CDS1: variants seen among roughly 807,000 people sequenced by gnomAD.
CDS1 encodes CDP-diacylglycerol synthase 1.
CDS1 carries 41 observed loss-of-function variants against 62.1 expected under a neutral mutation model. The ratio of observed to expected loss-of-function variants is 0.66; its 90% CI spans 0.51 to 0.86. CDS1 has a LOEUF of 0.86. Among genes scored for constraint, CDS1 ranks in the 40% least tolerant of loss-of-function variants. CDS1 has a pLI of 0.00. For missense variants in CDS1, 470 were observed against 550.1 expected, an observed-to-expected ratio of 0.85 and a Z score of 1.46; for synonymous variants, 185 against 192.6, an observed-to-expected ratio of 0.96 and a Z score of 0.32.
At chr4:84,589,591 C>G (rs1285188251) in intron 1 of CDS1, among the ~76,000 whole-genome samples, 1 of 152,188 alleles carries the variant, frequency 6.6e-6, no homozygotes, top group Non-Finnish European at 1.5e-5. Flanking sequence ...TTCCATGATT[C>G]AGCTTTTATC....
At chr4:84,645,952 G>A (rs1259373455) in intron 12 of CDS1, among the ~76,000 whole-genome samples, 2 of 152,144 alleles carry the variant, frequency 1.3e-5, no homozygotes, top group African/African-American at 4.8e-5. Context: ...AGAAAGGGTG[G>A]TTTATTCTTG....
At chr4:84,586,754 A>G (rs1268248009) in intron 1 of CDS1, among the ~76,000 whole-genome samples, 1 of 152,210 alleles carries the variant, frequency 6.6e-6, no homozygotes, top group Non-Finnish European at 1.5e-5. Context: ...GGAGTTTAGC[A>G]AAAGATCTAA....
chr4:84,645,632 C>T (rs1724533704), intron 12 of CDS1, among the ~76,000 whole-genome samples: 1 of 152,128 alleles, frequency 6.6e-6, no homozygotes, highest in South Asian at 2.1e-4. Context: ...TTGCAATGAT[C>T]ATGAATACTA....
chr4:84,638,738 A>G (rs1387260980), intron 8 of CDS1, among the ~76,000 whole-genome samples, 186 bp from the exon 9 acceptor site: 1 of 152,090 alleles, frequency 6.6e-6, no homozygotes, highest in African/African-American at 2.4e-5. Flanking sequence ...AAATATTATT[A>G]GAGAGATTTT....
Position 84,619,539 on chromosome 4 carries a change from T to C in CDS1, c.580+6T>C. The C allele has an allele frequency of 6.5e-7, 1 of 1,544,390 alleles. No homozygotes were observed. Among genetic ancestry groups the C allele is most frequent in the Non-Finnish European group, 8.8e-7 (1 of 1,130,220 alleles). On this transcript the variant is annotated splice_donor_region_variant and intron_variant, in intron 5 of 12. Transcript: ENST00000295887. The stretch of plus-strand genomic sequence containing the variant: ...ATTTGCCCTCTATCTGGCAGGTAAG[T>C]TAAGGAATATTCTGTATTGATATAT...
At chr4:84,599,792 A>G (rs962941684) in intron 1 of CDS1, among the ~76,000 whole-genome samples, 2 of 152,070 alleles carry the variant, frequency 1.3e-5, no homozygotes, top group African/African-American at 4.8e-5. Context: ...CCTGTTGGCT[A>G]TTTGAGTTGT....
chr4:84,635,620 TG>T (rs1724166759), intron 8 of CDS1, among the ~76,000 whole-genome samples: 27 of 106,454 alleles, frequency 2.5e-4, no homozygotes, highest in African/African-American at 9.4e-4. Context: ...CCTGCCTGCC[TG>T]CCTGCCTTCC....
chr4:84,645,109 A>C (rs940495445), intron 11 of CDS1, 113 bp from the exon 12 acceptor site: 6 of 689,968 alleles, frequency 8.7e-6, no homozygotes, highest in South Asian at 1.7e-5. Flanking sequence ...AAAAAAATCC[A>C]ATAGTAATGT....
intron 1 of CDS1, among the ~76,000 whole-genome samples, chr4:84,589,199 A>G (rs1209727850): frequency 6.6e-6 from 1 of 152,238 alleles, no homozygotes; most frequent in African/African-American, 2.4e-5. Flanking sequence ...ACCGTGGTAC[A>G]TCGGTCAAAA....
chr4:84,645,743 C>CA (rs1216223534), intron 12 of CDS1, among the ~76,000 whole-genome samples: 2 of 152,022 alleles, frequency 1.3e-5, no homozygotes, highest in Non-Finnish European at 2.9e-5. Context: ...TGGCAGAGAA[C>CA]AAAACAAACC....
chr4:84,587,637 T>C (rs1722459901), intron 1 of CDS1, among the ~76,000 whole-genome samples: 1 of 152,174 alleles, frequency 6.6e-6, no homozygotes, highest in Non-Finnish European at 1.5e-5. Flanking sequence ...ATGACTTATG[T>C]AGAGACCAAG....
intron 1 of CDS1, among the ~76,000 whole-genome samples, chr4:84,595,465 T>A (rs1236049345): frequency 1.3e-5 from 2 of 152,190 alleles, no homozygotes; most frequent in East Asian, 3.8e-4. Context: ...TACAATATAG[T>A]ATGCTGTATT....
intron 8 of CDS1, among the ~76,000 whole-genome samples, chr4:84,636,473 A>G (rs1038783939): frequency 4.6e-5 from 7 of 152,278 alleles, no homozygotes; most frequent in African/African-American, 1.7e-4. Context: ...TGGAAATCAA[A>G]TCATTTTCTA....
chr4:84,632,330 C>T (rs1021025111), intron 6 of CDS1, among the ~76,000 whole-genome samples: 1 of 152,062 alleles, frequency 6.6e-6, no homozygotes, highest in South Asian at 2.1e-4. Context: ...TTCTTTTTGG[C>T]ATAAGATATT....
intron 1 of CDS1, among the ~76,000 whole-genome samples, chr4:84,587,281 G>T (rs1722448653): frequency 2.0e-5 from 3 of 152,112 alleles, no homozygotes; most frequent in Admixed American, 2.0e-4. Context: ...TTTGTATTCA[G>T]TTGAATCTTC....
At chr4:84,637,486 A>C (rs989583556) in intron 8 of CDS1, among the ~76,000 whole-genome samples, 1 of 152,198 alleles carries the variant, frequency 6.6e-6, no homozygotes, top group African/African-American at 2.4e-5. Context: ...ACTTTTCAAC[A>C]ACCAGATATC....
chr4:84,649,241 G>A lies in CDS1; in HGVS notation c.*555G>A, dbSNP rs1724642766. On this transcript the variant is annotated 3_prime_UTR_variant, in exon 13 of 13. Transcript: ENST00000295887. The stretch of plus-strand genomic sequence containing the variant: ...TCAAAGAAGTAACCATTTGCCAGGG[G>A]AAAACATTCTGCTTTTAGGTAGTTT... 1 of 152,098 alleles carries A rather than the reference G, an allele frequency of 6.6e-6. No individual in the cohort carries two copies. Among genetic ancestry groups the A allele is most frequent in the Non-Finnish European group, 1.5e-5 (1 of 68,038 alleles). 9.4% of individuals were successfully genotyped at this position (152,098 alleles called of 1,614,324 possible).
At chr4:84,586,258 G>C (rs1160649436) in intron 1 of CDS1, among the ~76,000 whole-genome samples, 4 of 152,012 alleles carry the variant, frequency 2.6e-5, no homozygotes, top group African/African-American at 9.7e-5. Flanking sequence ...GGATGATTCA[G>C]GTACATTACA....
chr4:84,604,734 A>G (rs1342557234), intron 2 of CDS1, among the ~76,000 whole-genome samples: 2 of 151,902 alleles, frequency 1.3e-5, no homozygotes, highest in African/African-American at 2.4e-5. Flanking sequence ...TCTGTTCCCT[A>G]TTTTTCAAAT....
Sources: gnomAD v4.1 joint callset for allele counts (sites outside exome capture counted in the v4.1 genomes callset) on GRCh38, gnomAD v4.1.1 for gene constraint, MANE v1.5 for transcripts, NCBI Gene and HGNC (gene_info 2026-07-23, HGNC 2026-07-21) for gene names.